The following MYO9A variants were observed in gnomAD, a reference collection of about 807,000 sequenced individuals.
MYO9A encodes the protein myosin IXA.
A neutral mutation model predicts 293.3 loss-of-function variants in MYO9A; 103 were observed. That is an observed-to-expected ratio of 0.35 (90% confidence interval 0.30 to 0.41). The LOEUF (loss-of-function observed/expected upper bound fraction) is 0.41. MYO9A is among the 10% of genes least tolerant of loss of function. MYO9A has a pLI of 1.00. For missense variants in MYO9A, 2,685 were observed against 3,033.0 expected (o/e 0.89, Z 2.69); for synonymous variants, 1,001 against 1,035.7 (o/e 0.97, Z 0.64).
At chr15:71,875,757 ACT>A in intron 32 of MYO9A, 32 bp downstream of exon 32, 1 of 1,169,170 alleles carries the variant, frequency 8.6e-7, no homozygotes, top group Non-Finnish European at 1.1e-6. Flanking sequence ...TCTGAAAATT[ACT>A]TTTTTAATTT....
intron 28 of MYO9A, 107 bp from the exon 29 acceptor site, chr15:71,880,665 G>T: frequency 1.1e-6 from 1 of 919,102 alleles, no homozygotes; most frequent in Non-Finnish European, 1.6e-6. Flanking sequence ...AAGGAAACAT[G>T]CAAATATATG....
At chr15:71,877,914 T>A (rs1271905714) in intron 31 of MYO9A, 126 bp downstream of exon 31, 1 of 727,824 alleles carries the variant, frequency 1.4e-6, no homozygotes, top group Non-Finnish European at 2.2e-6. Flanking sequence ...TAAGTTGACA[T>A]GTTCCCTGTA....
chr15:72,013,449 G>A (rs531481001), intron 6 of MYO9A, among the ~76,000 whole-genome samples: 1 of 152,176 alleles, frequency 6.6e-6, no homozygotes, highest in Non-Finnish European at 1.5e-5. Flanking sequence ...CAAGGAAATG[G>A]TAAGGTTCGT....
chr15:71,876,285 TTA>T (rs1248544326), intron 31 of MYO9A, among the ~76,000 whole-genome samples: 1 of 151,736 alleles, frequency 6.6e-6, no homozygotes, highest in East Asian at 1.9e-4. Context: ...GTAGCTGGTA[TTA>T]TAGGCACACA....
At chr15:71,919,962 C>A (rs2058113277) in intron 18 of MYO9A, among the ~76,000 whole-genome samples, 1 of 151,076 alleles carries the variant, frequency 6.6e-6, no homozygotes, top group Non-Finnish European at 1.5e-5. Context: ...AACAAATGTT[C>A]AGAGTCATTA....
At chr15:71,876,102 A>T (rs1168226455) in intron 31 of MYO9A, among the ~76,000 whole-genome samples, 1 of 152,018 alleles carries the variant, frequency 6.6e-6, no homozygotes, top group Non-Finnish European at 1.5e-5. Context: ...CCCAGAAGCC[A>T]CCGCCATATT....
chr15:72,052,953 C>T (rs2078610277), intron 1 of MYO9A, among the ~76,000 whole-genome samples: 1 of 145,252 alleles, frequency 6.9e-6, no homozygotes, highest in South Asian at 2.2e-4. Context: ...TGGCCACAGA[C>T]GTTTCCAGCC....
At chr15:72,025,678 A>C (rs1443205204) in intron 4 of MYO9A, among the ~76,000 whole-genome samples, 2 of 152,332 alleles carry the variant, frequency 1.3e-5, no homozygotes, top group East Asian at 3.9e-4. Context: ...AACTAAGAGA[A>C]GAAGCACACA....
intron 16 of MYO9A, among the ~76,000 whole-genome samples, chr15:71,937,717 G>A (rs1172122344): frequency 1.3e-5 from 2 of 152,058 alleles, no homozygotes; most frequent in African/African-American, 2.4e-5. Flanking sequence ...AAAGTACAAA[G>A]AAAGAAGCAC....
rs545591291 is a variant in MYO9A at position 71,901,918 on chromosome 15, A to T, written c.3001-578T>A. Among the ~76,000 whole-genome samples, 6 of 152,290 alleles carry T rather than the reference A, an allele frequency of 3.9e-5. No homozygotes were observed. In the South Asian group the frequency reaches 1.2e-3, roughly 32 times the overall value. On this transcript the variant is annotated intron_variant, in intron 22 of 41. Transcript: ENST00000356056. ...AAACCAATGATAACAGTCTTTTTGA[A>T]ATCCAGCGTGCATTAAAAGCTTCTC...
intron 1 of MYO9A, among the ~76,000 whole-genome samples, chr15:72,110,444 A>AG: frequency 6.7e-6 from 1 of 149,532 alleles, no homozygotes; most frequent in East Asian, 1.9e-4. Flanking sequence ...TCAAAAAAAA[A>AG]AAAAAAAAAA....
intron 12 of MYO9A, among the ~76,000 whole-genome samples, chr15:71,970,245 A>G (rs1024401787): frequency 6.6e-6 from 1 of 152,202 alleles, no homozygotes; most frequent in African/African-American, 2.4e-5. Flanking sequence ...TCCTATTCAT[A>G]TGTAACTCTG....
chr15:71,843,367 T>C (rs2055247053), intron 39 of MYO9A, among the ~76,000 whole-genome samples: 1 of 152,094 alleles, frequency 6.6e-6, no homozygotes, highest in Admixed American at 6.5e-5. Context: ...AGGCGGAGGT[T>C]GCAGTGAGCT....
chr15:71,989,777 G>A (rs1333437677), intron 11 of MYO9A, among the ~76,000 whole-genome samples: 1 of 152,162 alleles, frequency 6.6e-6, no homozygotes, highest in Non-Finnish European at 1.5e-5. Context: ...TGTAATCCCA[G>A]CACTTTGGGA....
intron 38 of MYO9A, 74 bp from the exon 39 acceptor site, chr15:71,849,042 T>C: frequency 1.4e-6 from 2 of 1,385,806 alleles, no homozygotes; most frequent in Middle Eastern, 4.0e-4. Context: ...AGACTGTTTT[T>C]GTGGTAGACA....
chr15:71,913,698 C>A (rs1473499306), intron 19 of MYO9A, among the ~76,000 whole-genome samples: 2 of 151,814 alleles, frequency 1.3e-5, no homozygotes, highest in Non-Finnish European at 1.5e-5. Context: ...TTGTTGTATT[C>A]CTTTAAAGAG....
intron 19 of MYO9A, 27 bp from the exon 20 acceptor site, chr15:71,905,033 A>G (rs778792622): frequency 3.9e-6 from 6 of 1,544,802 alleles, no homozygotes; most frequent in Non-Finnish European, 4.4e-6. Flanking sequence ...TATAATTATC[A>G]TACTCTTCCA....
At chr15:72,015,151 A>G (rs1003606129) in intron 6 of MYO9A, among the ~76,000 whole-genome samples, 2 of 151,910 alleles carry the variant, frequency 1.3e-5, no homozygotes, top group Non-Finnish European at 2.9e-5. Flanking sequence ...CCAGATGTGA[A>G]GTGCTTTTTA....
At chr15:72,095,432 T>G (rs1254963251) in intron 1 of MYO9A, among the ~76,000 whole-genome samples, 1 of 92,300 alleles carries the variant, frequency 1.1e-5, no homozygotes, top group African/African-American at 2.6e-5. Flanking sequence ...AGAAGAAAAG[T>G]TGGACACTAG....
Sources: gnomAD v4.1 joint callset for allele counts (sites outside exome capture counted in the v4.1 genomes callset) on GRCh38, gnomAD v4.1.1 for gene constraint, MANE v1.5 for transcripts, NCBI Gene and HGNC (gene_info 2026-07-23, HGNC 2026-07-21) for gene names.